The following GRIK2 variants were observed in gnomAD, a reference collection of about 807,000 sequenced individuals.
GRIK2 encodes glutamate receptor ionotropic, kainate 2.
GRIK2 carries 32 observed loss-of-function variants against 100.3 expected under a neutral mutation model. The observed-to-expected ratio is 0.32, with a 90% CI of 0.24 to 0.43. The LOEUF (loss-of-function observed/expected upper bound fraction) is 0.43, where lower values mean the gene tolerates loss of function less well. Ranked by LOEUF, GRIK2 falls within the 20% of genes least tolerant of loss-of-function variation. The pLI, the probability that GRIK2 is intolerant of heterozygous loss-of-function variation, is 1.00. For missense variants in GRIK2, 843 were observed against 1,114.9 expected, an observed-to-expected ratio of 0.76 and a Z score of 3.47; for synonymous variants, 417 against 389.4, an observed-to-expected ratio of 1.07 and a Z score of -0.83.
At chr6:102,047,114 A>G (rs1770932461) in intron 15 of GRIK2, among the ~76,000 whole-genome samples, 1 of 152,136 alleles carries the variant, frequency 6.6e-6, no homozygotes, top group South Asian at 2.1e-4. Flanking sequence ...AAAAAGAACG[A>G]AGATCCCAAA....
intron 2 of GRIK2, among the ~76,000 whole-genome samples, chr6:101,492,538 G>C (rs958188347): frequency 6.6e-6 from 1 of 151,772 alleles, no homozygotes; most frequent in Non-Finnish European, 1.5e-5. Flanking sequence ...AGGCCACATT[G>C]TCCTAAGTTG....
At chr6:101,744,338 C>T (rs1053420382) in intron 7 of GRIK2, among the ~76,000 whole-genome samples, 1 of 151,570 alleles carries the variant, frequency 6.6e-6, no homozygotes, top group Non-Finnish European at 1.5e-5. Context: ...CTCTTCATAG[C>T]TTAGCTCTCA....
intron 16 of GRIK2, chr6:102,066,044 T>A: frequency 2.1e-6 from 1 of 468,928 alleles, no homozygotes. Context: ...TAACACATAA[T>A]ACATAATGCA....
At chr6:102,019,428 G>A (rs947461010) in intron 14 of GRIK2, among the ~76,000 whole-genome samples, 1 of 151,998 alleles carries the variant, frequency 6.6e-6, no homozygotes, top group Non-Finnish European at 1.5e-5. Context: ...GCTCTTTTGG[G>A]AAAATTTACT....
At chr6:101,517,231 A>G (rs1774631208) in intron 2 of GRIK2, among the ~76,000 whole-genome samples, 1 of 152,162 alleles carries the variant, frequency 6.6e-6, no homozygotes, top group Admixed American at 6.6e-5. Flanking sequence ...AGACAGGCTT[A>G]AAACCAGGCC....
chr6:101,660,792 G>A (rs1052781930), intron 4 of GRIK2, among the ~76,000 whole-genome samples: 17 of 152,184 alleles, frequency 1.1e-4, no homozygotes, highest in African/African-American at 4.1e-4. Flanking sequence ...TTGCTTGGGT[G>A]TCACCAGTGG....
chr6:101,760,395 T>A, intron 7 of GRIK2, among the ~76,000 whole-genome samples: 1 of 76,918 alleles, frequency 1.3e-5, no homozygotes. Context: ...TTAATTATAT[T>A]TAATTATATA....
rs568119073 is a variant in GRIK2 at position 102,045,664 on chromosome 6, A to ACAAT, written c.2312-9663_2312-9660dup. 2.6e-4 allele frequency among the ~76,000 whole-genome samples: 39 copies of ACAAT among 152,218 alleles called. 1 individual carries two copies. The Middle Eastern group carries it at 0.01, about 40-fold the overall frequency. On this transcript the variant is annotated intron_variant, in intron 15 of 16. Transcript: ENST00000369134. Reference sequence around the variant, plus strand: ...TAATAATGCAAAGAACTTTTAAAACACAATCATAATAAACAACCCCACTAA... The same window carrying ACAAT: ...TAATAATGCAAAGAACTTTTAAAACACAATCAATCATAATAAACAACCCCACTAA...
chr6:101,933,892 A>T (rs1790448171), intron 14 of GRIK2, among the ~76,000 whole-genome samples: 2 of 151,996 alleles, frequency 1.3e-5, no homozygotes, highest in African/African-American at 2.4e-5. Flanking sequence ...AATGAAAAGC[A>T]AGTGGGTTAT....
chr6:101,424,037 C>T (rs1025712510), intron 2 of GRIK2, among the ~76,000 whole-genome samples: 6 of 152,024 alleles, frequency 3.9e-5, no homozygotes, highest in African/African-American at 1.2e-4. Flanking sequence ...TTTGATTTCT[C>T]CTATGGAAAA....
chr6:101,945,077 G>A (rs923714380), intron 14 of GRIK2, among the ~76,000 whole-genome samples: 1 of 152,068 alleles, frequency 6.6e-6, no homozygotes, highest in Non-Finnish European at 1.5e-5. Flanking sequence ...CCAACATGTT[G>A]TGTATATTAC....
intron 16 of GRIK2, among the ~76,000 whole-genome samples, chr6:102,064,871 G>A (rs890613701): frequency 6.6e-6 from 1 of 151,136 alleles, no homozygotes; most frequent in African/African-American, 2.4e-5. Context: ...TGTTTAATTT[G>A]CCATGTTAAT....
chr6:101,856,606 A>G (rs1309921435), intron 10 of GRIK2, among the ~76,000 whole-genome samples: 2 of 152,180 alleles, frequency 1.3e-5, no homozygotes, highest in African/African-American at 2.4e-5. Flanking sequence ...AATTATAATA[A>G]TGGACCATGG....
At chr6:101,505,222 A>T (rs1773962103) in intron 2 of GRIK2, among the ~76,000 whole-genome samples, 1 of 152,066 alleles carries the variant, frequency 6.6e-6, no homozygotes, top group Non-Finnish European at 1.5e-5. Flanking sequence ...ACCAGTTTTC[A>T]GTTATTCTGC....
At chr6:102,058,105 A>G (rs1771554281) in intron 16 of GRIK2, among the ~76,000 whole-genome samples, 1 of 151,834 alleles carries the variant, frequency 6.6e-6, no homozygotes, top group South Asian at 2.1e-4. Flanking sequence ...CTGGGAAGGT[A>G]TTTTGCTCAT....
At chr6:102,053,199 G>A (rs1771292780) in intron 15 of GRIK2, among the ~76,000 whole-genome samples, 1 of 151,848 alleles carries the variant, frequency 6.6e-6, no homozygotes, top group African/African-American at 2.4e-5. Context: ...CACAAGATTT[G>A]TTGCATATAC....
At chr6:101,891,390 A>G (rs1787076522) in intron 12 of GRIK2, among the ~76,000 whole-genome samples, 2 of 151,318 alleles carry the variant, frequency 1.3e-5, no homozygotes, top group Non-Finnish European at 2.9e-5. Context: ...GGTGGTGTGC[A>G]CCTGTAGTCC....
chr6:101,604,096 T>C (rs746689154), intron 2 of GRIK2, among the ~76,000 whole-genome samples: 1 of 151,662 alleles, frequency 6.6e-6, no homozygotes, highest in African/African-American at 2.4e-5. Context: ...ACTAGCACTG[T>C]ACTAAAATTA....
intron 4 of GRIK2, among the ~76,000 whole-genome samples, chr6:101,657,702 T>C (rs541697134): frequency 2.0e-5 from 3 of 152,300 alleles, no homozygotes; most frequent in African/African-American, 7.2e-5. Flanking sequence ...ATGTTAGCAA[T>C]GTGGCATATG....
Sources: gnomAD v4.1 joint callset for allele counts (sites outside exome capture counted in the v4.1 genomes callset) on GRCh38, gnomAD v4.1.1 for gene constraint, MANE v1.5 for transcripts, NCBI Gene and HGNC (gene_info 2026-07-23, HGNC 2026-07-21) for gene names.